WWOX: variants seen among roughly 807,000 people sequenced by gnomAD.
WWOX encodes WW domain-containing oxidoreductase.
Under a neutral mutation model 46.2 loss-of-function variants are expected in WWOX, and 69 were observed. That is an observed-to-expected ratio of 1.49 (90% CI 1.23 to 1.82). The LOEUF (loss-of-function observed/expected upper bound fraction) is 1.82. Ranked by LOEUF, WWOX falls within the 40% of genes most tolerant of loss-of-function variation. WWOX has a pLI of 0.00. For synonymous variants in WWOX, 359 were observed against 202.6 expected, an observed-to-expected ratio of 1.77 and a Z score of -6.56; for missense variants, 919 against 542.6, an observed-to-expected ratio of 1.69 and a Z score of -6.89.
chr16:78,732,477 C>G (rs80072759), intron 8 of WWOX, among the ~76,000 whole-genome samples: 154 of 152,266 alleles, frequency 1.0e-3, no homozygotes, highest in African/African-American at 3.3e-3. Flanking sequence ...CACTGTGAAG[C>G]AGAGGCTGAC....
At chr16:78,317,036 G>A (rs796455227) in intron 5 of WWOX, among the ~76,000 whole-genome samples, 9 of 152,342 alleles carry the variant, frequency 5.9e-5, no homozygotes, top group African/African-American at 1.9e-4. Flanking sequence ...GAATCCAAAG[G>A]TGAAGCCTGC....
At chr16:78,301,459 G>A (rs1055346876) in intron 5 of WWOX, among the ~76,000 whole-genome samples, 2 of 151,566 alleles carry the variant, frequency 1.3e-5, no homozygotes, top group African/African-American at 4.9e-5. Flanking sequence ...TTATTGTTTT[G>A]TACATTTTGT....
rs114470271 is a variant in WWOX, at chr16:79,098,489, A to C, written c.1057-113119A>C. 3.6e-3 allele frequency among the ~76,000 whole-genome samples: 545 copies of C among 152,348 alleles called. 3 individuals are homozygous for C. Among genetic ancestry groups the C allele is most frequent in the African/African-American group, 0.012 (505 of 41,578 alleles). The stretch of plus-strand genomic sequence containing the variant: ...CTGGAAAGAAAAGAAGGTCATTGGA[A>C]TCTTCTTCACCCCTTCCCTGGTACT... On this transcript the variant is annotated intron_variant, in intron 8 of 8. Coordinates refer to ENST00000566780, the MANE Select transcript of WWOX (RefSeq NM_016373.4).
intron 8 of WWOX, among the ~76,000 whole-genome samples, chr16:79,191,051 T>G (rs779916557): frequency 2.0e-5 from 3 of 152,108 alleles, no homozygotes. Context: ...TTTTGTTGTT[T>G]GTTTGTTTTT....
At chr16:79,165,501 C>T (rs1400855697) in intron 8 of WWOX, among the ~76,000 whole-genome samples, 1 of 152,166 alleles carries the variant, frequency 6.6e-6, no homozygotes, top group Admixed American at 6.5e-5. Context: ...TCAGCATAGA[C>T]CTCCTTGGGA....
chr16:78,686,734 A>G (rs60466018), intron 8 of WWOX, among the ~76,000 whole-genome samples: 27 of 152,312 alleles, frequency 1.8e-4, no homozygotes, highest in African/African-American at 5.5e-4. Flanking sequence ...ATTTATGTTT[A>G]TAAGCAACTC....
At chr16:78,495,129 A>G (rs938028882) in intron 8 of WWOX, among the ~76,000 whole-genome samples, 1 of 129,278 alleles carries the variant, frequency 7.7e-6, no homozygotes, top group Non-Finnish European at 1.7e-5. Flanking sequence ...AAAGATTAGT[A>G]GTAGACTGTT....
chr16:78,378,406 A>G (rs190716266), intron 5 of WWOX, among the ~76,000 whole-genome samples: 2 of 152,284 alleles, frequency 1.3e-5, no homozygotes, highest in Non-Finnish European at 2.9e-5. Context: ...CTAAGAGAGA[A>G]AAGAATCACT....
intron 8 of WWOX, among the ~76,000 whole-genome samples, chr16:78,499,855 T>C (rs1388433430): frequency 6.6e-6 from 1 of 152,220 alleles, no homozygotes; most frequent in Non-Finnish European, 1.5e-5. Flanking sequence ...TTTCATGCCA[T>C]GGACCCCTCC....
rs1175612190 is a variant in WWOX, at chr16:78,822,931, G to GA, written c.1057-388666dup. Among the ~76,000 whole-genome samples the GA allele has an allele frequency of 7.1e-4, 101 of 142,370 alleles. 1 individual carries two copies. The highest frequency in any genetic ancestry group is 1.3e-3 in the South Asian group (6 of 4,454). 93.4% of individuals were successfully genotyped at this position (142,370 alleles called of 152,430 possible). ...GCTTGATAAAGCCAAAAAACTAAAA[G>GA]AAAAAAAAAAAGGAATTAGAAACAG... On this transcript the variant is annotated intron_variant, in intron 8 of 8. Transcript: ENST00000566780.
intron 6 of WWOX, among the ~76,000 whole-genome samples, chr16:78,419,774 CAAAAG>C (rs1263278860): frequency 1.4e-5 from 2 of 147,124 alleles, no homozygotes; most frequent in Admixed American, 1.3e-4. Context: ...GCACAAGTGA[CAAAAG>C]AAAAAAAGAT....
At chr16:78,823,323 CATT>C (rs2051556777) in intron 8 of WWOX, among the ~76,000 whole-genome samples, 1 of 152,164 alleles carries the variant, frequency 6.6e-6, no homozygotes, top group Non-Finnish European at 1.5e-5. Context: ...TTGATGATCA[CATT>C]ATTGTGTCAG....
intron 8 of WWOX, among the ~76,000 whole-genome samples, chr16:79,200,027 G>A (rs2051315803): frequency 6.6e-6 from 1 of 152,166 alleles, no homozygotes; most frequent in Non-Finnish European, 1.5e-5. Context: ...GGTGGTTGCT[G>A]CCAGATGATC....
rs116654161 is a variant in WWOX, at chr16:79,026,928, C to T, written c.1057-184680C>T. Among the ~76,000 whole-genome samples the T allele has an allele frequency of 9.9e-3, 1,494 of 150,846 alleles. 56 individuals are homozygous for T. The highest frequency in any genetic ancestry group is 0.034 in the African/African-American group (1,403 of 40,706). On this transcript the variant is annotated intron_variant, in intron 8 of 8. Transcript: ENST00000566780. ...ACAGGTGTGAGCCACCACGCCTGGG[C>T]GGCACGTGGTAGACTCTTAATGAAT...
chr16:78,583,734 G>A (rs915104578), intron 8 of WWOX, among the ~76,000 whole-genome samples: 1 of 152,210 alleles, frequency 6.6e-6, no homozygotes, highest in Non-Finnish European at 1.5e-5. Context: ...GTAATCTAGA[G>A]GGTTTTGAGT....
chr16:78,741,966 T>C (rs1341120586), intron 8 of WWOX, among the ~76,000 whole-genome samples: 1 of 152,212 alleles, frequency 6.6e-6, no homozygotes, highest in Non-Finnish European at 1.5e-5. Context: ...CTGGACATTA[T>C]CTCTGTCTCT....
Position 78,314,405 on chromosome 16 carries a change from C to CAA in WWOX, c.517-72438_517-72437dup, listed in dbSNP as rs56032982. Among the ~76,000 whole-genome samples, 109 of 101,494 alleles carry CAA rather than the reference C, an allele frequency of 1.1e-3. 1 individual carries two copies. Among genetic ancestry groups the CAA allele is most frequent in the African/African-American group, 2.3e-3 (65 of 27,856 alleles). The allele number at this position is 101,494 out of a possible 152,430, so 66.6% of individuals were successfully genotyped here. ...TGAGCAACAGAGTGAGACTCTGTCT[C>CAA]AAAAAAAAAAAAAAAAAAGTACAGG... On this transcript the variant is annotated intron_variant, in intron 5 of 8. Transcript: ENST00000566780.
At chr16:79,203,069 A>G (rs185932907) in intron 8 of WWOX, 2 of 152,344 alleles carry the variant, frequency 1.3e-5, no homozygotes, top group Admixed American at 6.5e-5. Flanking sequence ...TACCCGGGCA[A>G]TTAAAGCAAC....
intron 8 of WWOX, among the ~76,000 whole-genome samples, chr16:79,079,175 C>T (rs2048714576): frequency 6.6e-6 from 1 of 152,220 alleles, no homozygotes; most frequent in African/African-American, 2.4e-5. Flanking sequence ...CGGGCTCCTT[C>T]TATCTTCTGT....
Sources: allele counts gnomAD v4.1 joint callset (sites outside exome capture counted in the v4.1 genomes callset), GRCh38; gene constraint gnomAD v4.1.1; transcripts MANE v1.5; gene names NCBI Gene and HGNC (gene_info 2026-07-23, HGNC 2026-07-21).